The following PPP2R3B variants were observed in gnomAD, a reference collection of about 807,000 sequenced individuals.
PPP2R3B encodes serine/threonine-protein phosphatase 2A regulatory subunit B'' subunit beta.
In PPP2R3B, 68 loss-of-function variants were observed where a neutral mutation model predicts 72.9. The ratio of observed to expected loss-of-function variants is 0.93; its 90% CI spans 0.77 to 1.14. PPP2R3B has a LOEUF of 1.14. Among genes scored for constraint, PPP2R3B ranks in the 50% most tolerant of loss-of-function variants. The pLI is 0.00. For missense variants in PPP2R3B, 1,018 were observed against 842.0 expected, an observed-to-expected ratio of 1.21 and a Z score of -2.59; for synonymous variants, 466 against 375.8, an observed-to-expected ratio of 1.24 and a Z score of -2.78.
At position 347,620 on chromosome X, in the gene PPP2R3B, G is replaced by A. The variant is rs754412840; in HGVS notation, c.584C>T (p.Ser195Phe). The change falls in exon 3 of 13, where the codon TCC becomes TTC. Residue 195 changes from serine to phenylalanine, a missense_variant. By Grantham distance (155) the Ser-to-Phe change is radical (BLOSUM62 -2). Transcript: ENST00000390665. ...GAGGERTGSV[S>F]VHKFVAMWRK... Reference sequence around the variant, plus strand: ...CCACATGGCGACGAACTTGTGGACGGACACGGAGCCCGTGCGCTCCCCGCC... The same window carrying A: ...CCACATGGCGACGAACTTGTGGACGAACACGGAGCCCGTGCGCTCCCCGCC... 7.6e-6 allele frequency: 12 copies of A among 1,579,376 alleles called. No homozygotes were observed. The East Asian group carries it at 2.8e-4, about 36-fold the overall frequency.
At chrX:342,293 A>G (rs28573221) in intron 7 of PPP2R3B, 3,966 of 339,252 alleles carry the variant, frequency 0.012, 169 homozygotes, top group African/African-American at 0.077. Flanking sequence ...CCAACGGGAG[A>G]CGGGAGTGAG....
chrX:369,823 C>T (rs911683607), intron 1 of PPP2R3B, among the ~76,000 whole-genome samples: 6 of 152,232 alleles, frequency 3.9e-5, no homozygotes, highest in Non-Finnish European at 5.9e-5. Flanking sequence ...CGGGCTGCAA[C>T]GCACAGCCGT....
chrX:348,525 A>G (rs1047560913), intron 2 of PPP2R3B, among the ~76,000 whole-genome samples: 1 of 150,858 alleles, frequency 6.6e-6, no homozygotes, highest in Admixed American at 6.6e-5. Flanking sequence ...GCAGTAAGCC[A>G]CGATCACACC....
intron 4 of PPP2R3B, 106 bp from the exon 5 acceptor site, chrX:346,881 G>A (rs1211056547): frequency 9.0e-7 from 1 of 1,114,792 alleles, no homozygotes; most frequent in South Asian, 1.4e-5. Flanking sequence ...GATGAGGTGT[G>A]CGGTGTAGAC....
intron 1 of PPP2R3B, among the ~76,000 whole-genome samples, chrX:382,333 G>T (rs899314803): frequency 6.6e-6 from 1 of 151,882 alleles, no homozygotes; most frequent in Non-Finnish European, 1.5e-5. Flanking sequence ...GAGTAGCTGG[G>T]ATTACAGGTG....
intron 10 of PPP2R3B, 115 bp from the exon 11 acceptor site, chrX:339,011 G>A (rs2070977493): frequency 2.4e-6 from 2 of 848,062 alleles, no homozygotes; most frequent in South Asian, 1.4e-5. Context: ...GAAGCTCCGG[G>A]CTCTCACGCC....
rs983987817 is a variant in PPP2R3B, at chrX:375,212, C to G, written c.324+11156G>C. Among the ~76,000 whole-genome samples the G allele has an allele frequency of 3.6e-4, 55 of 152,336 alleles. 1 individual carries two copies. The highest frequency in any genetic ancestry group is 8.3e-4 in the South Asian group (4 of 4,828). ...GAGGATTCAGAAGTCGGCCTCTGACCCCCGGTAAGTCTCCAAAGGGAAGCT... is the reference window on the plus strand; with the variant it reads ...GAGGATTCAGAAGTCGGCCTCTGACGCCCGGTAAGTCTCCAAAGGGAAGCT... On this transcript the variant is annotated intron_variant, in intron 1 of 12. Transcript: ENST00000390665.
chrX:383,321 C>T (rs1428660080), intron 1 of PPP2R3B, among the ~76,000 whole-genome samples: 1 of 152,106 alleles, frequency 6.6e-6, no homozygotes, highest in African/African-American at 2.4e-5. Flanking sequence ...GTAAATATCA[C>T]TTTGTGACAT....
chrX:334,858 G>C (rs1482790970), intron 12 of PPP2R3B: 1 of 276,398 alleles, frequency 3.6e-6, no homozygotes, highest in Non-Finnish European at 6.7e-6. Flanking sequence ...TGTCCACACA[G>C]GACTGGAGAA....
intron 1 of PPP2R3B, among the ~76,000 whole-genome samples, chrX:363,951 C>T (rs1435781597): frequency 3.3e-5 from 5 of 152,274 alleles, no homozygotes; most frequent in Admixed American, 6.5e-5. Context: ...GAACCCTGGA[C>T]AGAATAGTTG....
At position 338,672 on chromosome X, in the gene PPP2R3B, C is replaced by A. The variant is rs751256790; in HGVS notation, c.1509G>T (p.Glu503Asp). The change falls in exon 12 of 13, where the codon GAG becomes GAT. Residue 503 changes from glutamate (E) to aspartate (D), a missense_variant. Glu to Asp is a conservative substitution (Grantham distance 45). Coordinates refer to ENST00000390665, the MANE Select transcript of PPP2R3B (RefSeq NM_013239.5). ...DSGGPELSDW[E>D]KYAAEEYDIL... is the part of the protein sequence containing the mutation. ...TGTCGTACTCCTCGGCCGCGTACTTCTCCCAGTCCGAGAGCTCGGGGCCGC... is the reference window on the plus strand; with the variant it reads ...TGTCGTACTCCTCGGCCGCGTACTTATCCCAGTCCGAGAGCTCGGGGCCGC... 1 of 1,611,658 alleles carries A rather than the reference C, an allele frequency of 6.2e-7. No homozygotes were observed. Among genetic ancestry groups the A allele is most frequent in the Non-Finnish European group, 8.5e-7 (1 of 1,179,666 alleles).
chrX:336,480 C>G (rs1431760080), intron 12 of PPP2R3B: 3 of 152,276 alleles, frequency 2.0e-5, no homozygotes, highest in Non-Finnish European at 4.4e-5. Flanking sequence ...CAGCAGGGCT[C>G]ACTCAAGGCT....
In PPP2R3B at chrX:345,627, C is replaced by T. The variant is rs758656245; in HGVS notation, c.925G>A (p.Glu309Lys). Residue 309 changes from glutamate (E) to lysine (K), a missense_variant, in exon 7 of 13, where the codon GAA becomes AAA. Glu to Lys is a moderately conservative substitution (Grantham distance 56). Transcript: ENST00000390665. The part of the protein sequence containing the change: ...EEEADINQLT[E>K]FFSYEHFYVI... Reference sequence around the variant, plus strand: ...TAGAAATGCTCGTACGAGAAGAATTCGGTCAGCTGGTTGATGTCCGCCTCC... The same window carrying T: ...TAGAAATGCTCGTACGAGAAGAATTTGGTCAGCTGGTTGATGTCCGCCTCC... 2.5e-6 allele frequency: 4 copies of T among 1,613,040 alleles called. No individual in the cohort carries two copies. The highest frequency in any genetic ancestry group is 2.7e-5 in the African/African-American group (2 of 74,840).
At chrX:356,464 C>A (rs1212118966) in intron 2 of PPP2R3B, among the ~76,000 whole-genome samples, 1 of 152,134 alleles carries the variant, frequency 6.6e-6, no homozygotes, top group Non-Finnish European at 1.5e-5. Flanking sequence ...GATCTGCCTA[C>A]CTCAGCCTCC....
intron 2 of PPP2R3B, chrX:359,893 G>A (rs1603086858): frequency 2.0e-6 from 1 of 500,552 alleles, no homozygotes; most frequent in Non-Finnish European, 3.9e-6. Context: ...TTACCTGAAT[G>A]TGTCTAGTTT....
rs775646060 is a variant in PPP2R3B, at chrX:345,517, G to A, written c.1035C>T (p.His345=). 29 of 1,611,960 alleles carry A rather than the reference G, an allele frequency of 1.8e-5. No homozygotes were observed. Among genetic ancestry groups the A allele is most frequent in the African/African-American group, 2.7e-5 (2 of 74,868 alleles). ...GCCCGCCCCTGTGCCCCCACGCACC[G>A]TGGTCATTGTGCCGCGCCAGGTCGT... ...DADDLARHND[H]ALSTKMIDRI... is the part of the protein sequence containing the mutation. Residue 345 remains histidine, a splice_region_variant and synonymous_variant, in exon 7 of 13, where the codon CAC becomes CAT. Transcript: ENST00000390665.
chrX:378,607 A>G (rs1163781250), intron 1 of PPP2R3B, among the ~76,000 whole-genome samples: 3 of 152,178 alleles, frequency 2.0e-5, no homozygotes, highest in South Asian at 4.1e-4. Context: ...AAAGGCCCTG[A>G]GAGGACAGGC....
At chrX:369,850 G>GCTCTGCAGCGGCCCCCA (rs1296048024) in intron 1 of PPP2R3B, among the ~76,000 whole-genome samples, 1 of 152,220 alleles carries the variant, frequency 6.6e-6, no homozygotes, top group Admixed American at 6.5e-5. Context: ...AGGAGCCCCC[G>GCTCTGCAGCGGCCCCCA]CTCTGCAGCG....
chrX:349,857 T>C (rs2124016690), intron 2 of PPP2R3B, among the ~76,000 whole-genome samples: 1 of 152,284 alleles, frequency 6.6e-6, no homozygotes, highest in East Asian at 1.9e-4. Flanking sequence ...GACCTCAACG[T>C]GGTGAGGTGG....
Sources: gnomAD v4.1 joint callset for allele counts (sites outside exome capture counted in the v4.1 genomes callset) on GRCh38, gnomAD v4.1.1 for gene constraint, MANE v1.5 for transcripts, NCBI Gene and HGNC (gene_info 2026-07-23, HGNC 2026-07-21) for gene names.